TAF1B: variants seen among roughly 807,000 people sequenced by gnomAD.
TAF1B encodes the protein TATA-box binding protein associated factor, RNA polymerase I subunit B, also known as TATA box-binding protein-associated factor RNA polymerase I subunit B.
A neutral mutation model predicts 83.9 loss-of-function variants in TAF1B; 61 were observed. The ratio of observed to expected loss-of-function variants is 0.73; its 90% CI spans 0.59 to 0.90. The LOEUF (loss-of-function observed/expected upper bound fraction) is 0.90. TAF1B is among the 40% of genes least tolerant of loss of function. The pLI, the probability that TAF1B is intolerant of heterozygous loss-of-function variation, is 0.00. For missense variants in TAF1B, 625 were observed against 677.0 expected, an observed-to-expected ratio of 0.92 and a Z score of 0.85; for synonymous variants, 221 against 224.6, an observed-to-expected ratio of 0.98 and a Z score of 0.14.
intron 12 of TAF1B, among the ~76,000 whole-genome samples, chr2:9,915,533 T>C (rs1024466809): frequency 2.0e-5 from 3 of 152,228 alleles, no homozygotes; most frequent in African/African-American, 7.2e-5. Flanking sequence ...TGTGAAAAGA[T>C]GTTTAACATC....
intron 14 of TAF1B, among the ~76,000 whole-genome samples, chr2:9,932,648 AGTCT>A (rs1404841558): frequency 6.6e-6 from 1 of 152,194 alleles, no homozygotes; most frequent in African/African-American, 2.4e-5. Context: ...TTGAGGAGGC[AGTCT>A]GTCTGTTCTC....
intron 6 of TAF1B, among the ~76,000 whole-genome samples, chr2:9,869,990 G>A (rs115304607): frequency 0.044 from 6,709 of 152,220 alleles, 196 homozygotes; most frequent in Non-Finnish European, 0.067. Flanking sequence ...TACTGCTATT[G>A]TAGATCATTC....
At chr2:9,849,701 G>C (rs1267811490) in intron 3 of TAF1B, among the ~76,000 whole-genome samples, 1 of 152,160 alleles carries the variant, frequency 6.6e-6, no homozygotes, top group Non-Finnish European at 1.5e-5. Context: ...GGTTAGGTGA[G>C]TTAAATATGA....
Position 9,868,384 on chromosome 2 carries a change from A to G in TAF1B, c.508A>G (p.Ile170Val), listed in dbSNP as rs1287188764. 1.9e-6 allele frequency: 3 copies of G among 1,614,048 alleles called. No homozygotes were observed. Among genetic ancestry groups the G allele is most frequent in the Non-Finnish European group, 1.7e-6 (2 of 1,179,934 alleles). ...AAGTGGAGCGGAGTCTCAGTCTGAC[A>G]TCCACACTCGAAAACCTTTCCCCGT... ...LESGAESQSD[I>V]HTRKPFPVSK... Residue 170 changes from isoleucine (I) to valine (V), a missense_variant, in exon 6 of 15, where the codon ATC becomes GTC. Ile to Val is a conservative substitution (Grantham distance 29, BLOSUM62 3). Transcript: ENST00000263663.
chr2:9,905,427 T>C (rs1428048402), intron 9 of TAF1B, among the ~76,000 whole-genome samples: 3 of 152,210 alleles, frequency 2.0e-5, no homozygotes, highest in Non-Finnish European at 4.4e-5. Context: ...AGCTAATCTG[T>C]GGTAACATTT....
At chr2:9,846,009 G>T (rs754315736) in intron 2 of TAF1B, 3 of 466,576 alleles carry the variant, frequency 6.4e-6, no homozygotes, top group South Asian at 4.7e-5. Context: ...CTTGAGGACT[G>T]TTGGGAATAT....
chr2:9,853,218 G>A (rs1285364903), intron 4 of TAF1B, among the ~76,000 whole-genome samples: 2 of 151,750 alleles, frequency 1.3e-5, no homozygotes, highest in Non-Finnish European at 3.0e-5. Flanking sequence ...TCTGAAATTA[G>A]CCAATGAGCA....
At chr2:9,924,205 C>T (rs781311484) in intron 14 of TAF1B, among the ~76,000 whole-genome samples, 1 of 151,016 alleles carries the variant, frequency 6.6e-6, no homozygotes, top group Non-Finnish European at 1.5e-5. Context: ...GCAGAGGAAG[C>T]AAAAAAGGCT....
At chr2:9,857,824 G>T (rs1212200866) in intron 5 of TAF1B, among the ~76,000 whole-genome samples, 5 of 152,146 alleles carry the variant, frequency 3.3e-5, no homozygotes, top group African/African-American at 1.2e-4. Context: ...TCGCTATCAT[G>T]AGAACAGCAT....
At chr2:9,896,828 G>C (rs1166716207) in intron 8 of TAF1B, among the ~76,000 whole-genome samples, 1 of 152,118 alleles carries the variant, frequency 6.6e-6, no homozygotes, top group Non-Finnish European at 1.5e-5. Context: ...GGCCATGAGA[G>C]TCTGAGTCTT....
At chr2:9,843,735 G>A in intron 1 of TAF1B, 176 bp downstream of exon 1, 1 of 635,284 alleles carries the variant, frequency 1.6e-6, no homozygotes, top group Non-Finnish European at 2.5e-6. Context: ...GCATGCGCGC[G>A]CGGCTTTGGT....
rs982401082 is a variant in TAF1B, at chr2:9,914,453, G to A, written c.1271+1204G>A. 6.6e-6 allele frequency among the ~76,000 whole-genome samples: 1 copy of A among 152,086 alleles called. No homozygotes were observed. Among genetic ancestry groups the A allele is most frequent in the Non-Finnish European group, 1.5e-5 (1 of 67,998 alleles). The stretch of plus-strand genomic sequence containing the variant: ...TGGAGAATCAGCCTTCCTTTCTGTG[G>A]TGCTAGCTGGGGTTAGTCCTGACGG... On this transcript the variant is annotated intron_variant, in intron 12 of 14. Transcript: ENST00000263663. The surrounding 1 kb of genome is among the most constrained non-coding windows in gnomAD (Gnocchi z 4.3).
At chr2:9,883,003 C>T (rs1007330895) in intron 8 of TAF1B, among the ~76,000 whole-genome samples, 198 bp downstream of exon 8, 7 of 152,030 alleles carry the variant, frequency 4.6e-5, no homozygotes, top group Admixed American at 3.3e-4. Context: ...TTTAGGTTAT[C>T]CTCAAAATAT....
intron 5 of TAF1B, among the ~76,000 whole-genome samples, chr2:9,864,990 A>G (rs1286997410): frequency 2.0e-5 from 3 of 152,224 alleles, no homozygotes; most frequent in Admixed American, 2.0e-4. Context: ...ATCATACTGA[A>G]TGGACAAAAA....
intron 5 of TAF1B, among the ~76,000 whole-genome samples, chr2:9,865,786 T>C (rs1450658307): frequency 6.6e-6 from 1 of 151,492 alleles, no homozygotes; most frequent in Non-Finnish European, 1.5e-5. Flanking sequence ...ATGCTGCATA[T>C]CTACAACTAT....
At chr2:9,876,070 A>G (rs370665608) in intron 7 of TAF1B, 52 bp downstream of exon 7, 210 of 1,488,834 alleles carry the variant, frequency 1.4e-4, no homozygotes, top group Non-Finnish European at 1.8e-4. Flanking sequence ...TACATGAACT[A>G]AGTAGACAAA....
chr2:9,845,471 C>T, intron 2 of TAF1B, 153 bp downstream of exon 2: 2 of 581,754 alleles, frequency 3.4e-6, no homozygotes, highest in Non-Finnish European at 3.1e-6. Context: ...GGTACTTACA[C>T]ATAGGTTAAG....
chr2:9,870,647 C>G (rs1265770202), intron 6 of TAF1B, among the ~76,000 whole-genome samples: 1 of 152,062 alleles, frequency 6.6e-6, no homozygotes, highest in Non-Finnish European at 1.5e-5. Context: ...TCTGTTTTAG[C>G]TCTTTCACAC....
chr2:9,887,132 C>A (rs536411555), intron 8 of TAF1B, among the ~76,000 whole-genome samples: 1 of 152,070 alleles, frequency 6.6e-6, no homozygotes, highest in African/African-American at 2.4e-5. Flanking sequence ...CTATAATAGT[C>A]GCATTTATTT....
Sources: gnomAD v4.1 joint callset for allele counts (sites outside exome capture counted in the v4.1 genomes callset) on GRCh38, gnomAD v4.1.1 for gene constraint, Gnocchi (gnomAD v3.1) non-coding constraint, MANE v1.5 for transcripts, NCBI Gene and HGNC (gene_info 2026-07-23, HGNC 2026-07-21) for gene names.